The following RAD23B variants were observed in gnomAD, a reference collection of about 807,000 sequenced individuals.
RAD23B encodes the protein RAD23 nucleotide excision repair protein B.
A neutral mutation model predicts 49.1 loss-of-function variants in RAD23B; 5 were observed. The ratio of observed to expected loss-of-function variants is 0.10; its 90% CI spans 0.05 to 0.21. The LOEUF (loss-of-function observed/expected upper bound fraction) is 0.21, where lower values mean the gene tolerates loss of function less well. Among genes scored for constraint, RAD23B ranks in the 10% least tolerant of loss-of-function variants. RAD23B has a pLI of 1.00. For missense variants in RAD23B, 356 were observed against 486.7 expected, an observed-to-expected ratio of 0.73 and a Z score of 2.53; for synonymous variants, 184 against 165.4, an observed-to-expected ratio of 1.11 and a Z score of -0.86.
intron 5 of RAD23B, among the ~76,000 whole-genome samples, chr9:107,315,864 A>G (rs1826982094): frequency 6.6e-6 from 1 of 152,134 alleles, no homozygotes; most frequent in Admixed American, 6.5e-5. Flanking sequence ...AGATCTAAAA[A>G]GTATCACATT....
chr9:107,302,151 G>A lies in RAD23B; in HGVS notation c.228+37G>A, dbSNP rs773033002. The A allele has an allele frequency of 3.1e-6, 5 of 1,607,622 alleles. No homozygotes were observed. The South Asian group carries it at 3.3e-5, about 11-fold the overall frequency. On this transcript the variant is annotated intron_variant, in intron 3 of 9. Coordinates refer to ENST00000358015, the MANE Select transcript of RAD23B (RefSeq NM_002874.5). ...CCTCATTCTGTATATCTTTATGCAT[G>A]TAGGTCTTTTTAAAAATGATGATCA...
intron 5 of RAD23B, among the ~76,000 whole-genome samples, chr9:107,315,388 T>G (rs1826972406): frequency 6.6e-6 from 1 of 152,236 alleles, no homozygotes; most frequent in South Asian, 2.1e-4. Flanking sequence ...CCTGGTAGTA[T>G]TATTTGAAGT....
chr9:107,325,313 C>CAAAAAAAAAAAAAAAAAAAAAAAA (rs34042765), intron 9 of RAD23B, among the ~76,000 whole-genome samples: 1 of 61,386 alleles, frequency 1.6e-5, no homozygotes. Context: ...GACTCTGTCT[C>CAAAAAAAAAAAAAAAAAAAAAAAA]AAAAAAAAAA....
chr9:107,313,383 G>A (rs544280674), intron 5 of RAD23B, among the ~76,000 whole-genome samples: 2 of 152,080 alleles, frequency 1.3e-5, no homozygotes, highest in Admixed American at 6.6e-5. Flanking sequence ...GTGCCACCAC[G>A]CCCGACTAAT....
At chr9:107,302,902 C>T (rs375626937) in intron 3 of RAD23B, among the ~76,000 whole-genome samples, 15 of 152,130 alleles carry the variant, frequency 9.9e-5, no homozygotes, top group South Asian at 4.1e-4. Context: ...GTGATCCGCC[C>T]GCCTCGGCCT....
chr9:107,322,350 T>C (rs1390608741), intron 7 of RAD23B, among the ~76,000 whole-genome samples: 1 of 152,374 alleles, frequency 6.6e-6, no homozygotes, highest in African/African-American at 2.4e-5. Context: ...GAAGGGCATA[T>C]TCTGTTTTAT....
chr9:107,301,293 G>A (rs747960602), intron 2 of RAD23B, among the ~76,000 whole-genome samples: 1 of 151,962 alleles, frequency 6.6e-6, no homozygotes, highest in Non-Finnish European at 1.5e-5. Context: ...TCAGTATTTT[G>A]GGGAGCAGGA....
At chr9:107,286,842 G>A (rs562946366) in intron 1 of RAD23B, among the ~76,000 whole-genome samples, 67 of 152,238 alleles carry the variant, frequency 4.4e-4, no homozygotes, top group Non-Finnish European at 7.9e-4. Flanking sequence ...GGAGGCCGAG[G>A]TGGGCGGATC....
chr9:107,326,315 T>A (rs1827200300), intron 9 of RAD23B, among the ~76,000 whole-genome samples: 1 of 151,528 alleles, frequency 6.6e-6, no homozygotes, highest in Non-Finnish European at 1.5e-5. Context: ...CCGTCTCTAC[T>A]AAAAATACAA....
chr9:107,309,516 T>C (rs115303536), intron 4 of RAD23B, among the ~76,000 whole-genome samples: 1 of 152,204 alleles, frequency 6.6e-6, no homozygotes, highest in African/African-American at 2.4e-5. Flanking sequence ...ATATAACTAA[T>C]GAGTGGTTTC....
intron 5 of RAD23B, among the ~76,000 whole-genome samples, chr9:107,313,653 T>TCCAAA (rs1826933287): frequency 6.6e-6 from 1 of 152,196 alleles, no homozygotes; most frequent in Non-Finnish European, 1.5e-5. Context: ...ATTCCCCAAA[T>TCCAAA]TACAGCTGCA....
intron 1 of RAD23B, among the ~76,000 whole-genome samples, chr9:107,298,363 G>A (rs191253482): frequency 6.6e-6 from 1 of 151,832 alleles, no homozygotes; most frequent in Non-Finnish European, 1.5e-5. Context: ...ACCCAGGCTG[G>A]AGTGCAGTGG....
intron 1 of RAD23B, among the ~76,000 whole-genome samples, chr9:107,298,081 AT>A (rs1324975382): frequency 3.3e-5 from 5 of 152,170 alleles, no homozygotes; most frequent in African/African-American, 1.2e-4. Flanking sequence ...TTCCTAAATA[AT>A]CACACTTGCA....
At chr9:107,283,801 C>A in intron 1 of RAD23B, 106 bp downstream of exon 1, 2 of 1,084,560 alleles carry the variant, frequency 1.8e-6, no homozygotes, top group Non-Finnish European at 2.4e-6. Flanking sequence ...CCCCGGAGGG[C>A]GCGATGAGGG....
chr9:107,315,509 T>G (rs1288527987), intron 5 of RAD23B, among the ~76,000 whole-genome samples: 1 of 151,794 alleles, frequency 6.6e-6, no homozygotes, highest in Non-Finnish European at 1.5e-5. Flanking sequence ...TTTTTGTTTT[T>G]TTTGTTTTGT....
At chr9:107,284,630 G>T in intron 1 of RAD23B, 3 of 796,152 alleles carry the variant, frequency 3.8e-6, no homozygotes, top group Non-Finnish European at 4.8e-6. Flanking sequence ...TTTATGCCAA[G>T]AATCTAAAAA....
At chr9:107,289,035 C>T (rs72736198) in intron 1 of RAD23B, among the ~76,000 whole-genome samples, 8,730 of 137,404 alleles carry the variant, frequency 0.064, 388 homozygotes, top group South Asian at 0.13. Flanking sequence ...TCCCTCCCTT[C>T]CTCTCTCCCT....
At chr9:107,283,758 G>T in intron 1 of RAD23B, 63 bp downstream of exon 1, 2 of 1,303,092 alleles carry the variant, frequency 1.5e-6, no homozygotes, top group Non-Finnish European at 2.0e-6. Flanking sequence ...CCAGGAGCTC[G>T]TGGGGCCGGG....
At chr9:107,304,297 A>G (rs920770277) in intron 3 of RAD23B, among the ~76,000 whole-genome samples, 4 of 152,240 alleles carry the variant, frequency 2.6e-5, no homozygotes, top group African/African-American at 9.6e-5. Context: ...TTAAATGAGT[A>G]TACCACTTTT....
Sources: gnomAD v4.1 joint callset for allele counts (sites outside exome capture counted in the v4.1 genomes callset) on GRCh38, gnomAD v4.1.1 for gene constraint, MANE v1.5 for transcripts, NCBI Gene and HGNC (gene_info 2026-07-23, HGNC 2026-07-21) for gene names.